WASHC5: variants seen among roughly 807,000 people sequenced by gnomAD.
WASHC5 encodes the protein WASH complex subunit 5, also known as WASH complex subunit strumpellin.
Under a neutral mutation model 150.4 loss-of-function variants are expected in WASHC5, and 101 were observed. The ratio of observed to expected loss-of-function variants is 0.67; its 90% CI spans 0.57 to 0.79. The LOEUF (loss-of-function observed/expected upper bound fraction) is 0.79, where lower values mean the gene tolerates loss of function less well. WASHC5 is among the 30% of genes least tolerant of loss of function. The pLI is 0.00. For missense variants in WASHC5, 1,195 were observed against 1,396.3 expected, an observed-to-expected ratio of 0.86 and a Z score of 2.30; for synonymous variants, 467 against 491.2, an observed-to-expected ratio of 0.95 and a Z score of 0.65.
At chr8:125,045,871 C>A (rs140159292) in intron 20 of WASHC5, among the ~76,000 whole-genome samples, 1 of 152,170 alleles carries the variant, frequency 6.6e-6, no homozygotes, top group East Asian at 1.9e-4. Context: ...TCTGCCTGCA[C>A]TAATAGGGCA....
rs1158848415 is a variant in WASHC5 at position 125,083,257 on chromosome 8, C to A, written c.188G>T (p.Gly63Val). The A allele has an allele frequency of 1.2e-6, 2 of 1,611,920 alleles. No individual in the cohort carries two copies. Among genetic ancestry groups the A allele is most frequent in the African/African-American group, 1.3e-5 (1 of 74,692 alleles). Residue 63 changes from glycine (G) to valine (V), a missense_variant and splice_region_variant, in exon 3 of 29, where the codon GGT (glycine) becomes GTT (valine). Transcript: ENST00000318410. Reference sequence around the variant, plus strand: ...CAGTTTGCTTTCCCATAATTCTGGACCCTGAGAAAAAAAAACACATGTGAA... The same window carrying A: ...CAGTTTGCTTTCCCATAATTCTGGAACCTGAGAAAAAAAAACACATGTGAA... ...DIIFDFSYFK[G>V]PELWESKLDA...
chr8:125,058,420 T>A (rs1026218634), intron 14 of WASHC5, among the ~76,000 whole-genome samples: 1 of 151,716 alleles, frequency 6.6e-6, no homozygotes, highest in African/African-American at 2.4e-5. Flanking sequence ...CATCTCAGAA[T>A]TGATGTACAT....
chr8:125,049,218 C>T (rs765504926), intron 18 of WASHC5, 33 bp from the exon 19 acceptor site: 1 of 1,608,268 alleles, frequency 6.2e-7, no homozygotes, highest in Non-Finnish European at 8.5e-7. Flanking sequence ...AGCTCTTACA[C>T]TGGAGTAGAT....
intron 23 of WASHC5, 82 bp from the exon 24 acceptor site, chr8:125,039,980 A>G (rs1020905069): frequency 1.3e-5 from 11 of 855,528 alleles, no homozygotes; most frequent in Non-Finnish European, 1.9e-5. Context: ...AAAGATGACA[A>G]TTCTTCACTG....
At chr8:125,090,529 AC>A (rs1817574229) in intron 1 of WASHC5, among the ~76,000 whole-genome samples, 1 of 152,208 alleles carries the variant, frequency 6.6e-6, no homozygotes, top group African/African-American at 2.4e-5. Context: ...CAGAGATCCC[AC>A]TATATTTTCT....
At chr8:125,076,273 G>T in intron 7 of WASHC5, 75 bp downstream of exon 7, 4 of 1,385,638 alleles carry the variant, frequency 2.9e-6, no homozygotes, top group South Asian at 2.3e-5. Context: ...ACAACCTGTG[G>T]GTTAAAGGCC....
Position 125,050,577 on chromosome 8 carries a change from T to A in WASHC5, c.2186A>T (p.Asn729Ile), listed in dbSNP as rs573316770. 4 of 1,613,772 alleles carry A rather than the reference T, an allele frequency of 2.5e-6. No homozygotes were observed. Among genetic ancestry groups the A allele is most frequent in the South Asian group, 2.2e-5 (2 of 91,072 alleles). Residue 729 changes from asparagine (N) to isoleucine (I), a missense_variant, in exon 18 of 29, where the codon AAC becomes ATC. Around this residue, in one of 3 missense-constraint regions of WASHC5, gnomAD observed 997 missense variants for 1,168.1 expected, o/e 0.85. Transcript: ENST00000318410. ...GTCACTGGGTACCTTGGCTCGAGGGTTGAATATCAGTCCCCTATGCAGGGC... is the reference window on the plus strand; with the variant it reads ...GTCACTGGGTACCTTGGCTCGAGGGATGAATATCAGTCCCCTATGCAGGGC... Reference protein sequence around the residue: ...AFALHRGLIFNPRAKPSELMP... With the variant: ...AFALHRGLIFIPRAKPSELMP...
intron 10 of WASHC5, among the ~76,000 whole-genome samples, chr8:125,065,799 T>C (rs1816730373): frequency 6.6e-6 from 1 of 152,108 alleles, no homozygotes; most frequent in Non-Finnish European, 1.5e-5. Context: ...GTATTTTTAG[T>C]ACAGATGGGG....
At chr8:125,033,378 T>C (rs1238772623) in intron 26 of WASHC5, among the ~76,000 whole-genome samples, 1 of 152,142 alleles carries the variant, frequency 6.6e-6, no homozygotes, top group Non-Finnish European at 1.5e-5. Flanking sequence ...TTTTAACAAA[T>C]GGTACTGAAA....
chr8:125,087,773 G>A (rs1817464379), intron 1 of WASHC5, among the ~76,000 whole-genome samples: 1 of 151,576 alleles, frequency 6.6e-6, no homozygotes, highest in Non-Finnish European at 1.5e-5. Flanking sequence ...GTCAAGTATA[G>A]GAGATTCTTG....
At chr8:125,035,667 ATTGT>A (rs1167272473) in intron 26 of WASHC5, among the ~76,000 whole-genome samples, 1 of 152,224 alleles carries the variant, frequency 6.6e-6, no homozygotes, top group African/African-American at 2.4e-5. Flanking sequence ...TACAGCAAGT[ATTGT>A]TTGAGGAGAT....
chr8:125,055,691 G>C lies in WASHC5; in HGVS notation c.2017-20C>G, dbSNP rs759179193. 18 of 1,468,984 alleles carry C rather than the reference G, an allele frequency of 1.2e-5. No homozygotes were observed. The highest frequency in any genetic ancestry group is 3.3e-5 in the Admixed American group (2 of 59,784). The allele number at this position is 1,468,984 out of a possible 1,614,324, so 91.0% of individuals were successfully genotyped here. On this transcript the variant is annotated intron_variant, in intron 16 of 28. Transcript: ENST00000318410. ...GGCAACCTATAACAAAGAAAAAGAG[G>C]TATGAAAAATCACTGTCTAATAGTC...
chr8:125,027,372 T>C (rs957544996), intron 28 of WASHC5, among the ~76,000 whole-genome samples: 1 of 152,214 alleles, frequency 6.6e-6, no homozygotes, highest in African/African-American at 2.4e-5. Flanking sequence ...CCAACCTAAG[T>C]GTCCATCAAT....
At chr8:125,028,953 C>A (rs1057509397) in intron 27 of WASHC5, among the ~76,000 whole-genome samples, 1 of 152,040 alleles carries the variant, frequency 6.6e-6, no homozygotes, top group South Asian at 2.1e-4. Flanking sequence ...ACGATCCCTG[C>A]TATCTATCCA....
intron 26 of WASHC5, chr8:125,032,854 C>T (rs1392160365): frequency 5.7e-6 from 1 of 173,926 alleles, no homozygotes; most frequent in Non-Finnish European, 1.2e-5. Flanking sequence ...AAAGAATCTG[C>T]AGAAATCAAG....
chr8:125,025,022 CAAGG>C (rs780929650), intron 28 of WASHC5, among the ~76,000 whole-genome samples: 2 of 151,958 alleles, frequency 1.3e-5, no homozygotes, highest in African/African-American at 2.4e-5. Flanking sequence ...TGATGACCAA[CAAGG>C]AAGAACAGGA....
Position 125,059,452 on chromosome 8 carries a change from T to G in WASHC5, c.1612A>C (p.Ile538Leu). ...RKFLHQMIRT[I>L]NIKEEVLITM... is the part of the protein sequence containing the mutation. ...ATCAGAACCTCCTCTTTAATGTTAA[T>G]GGTTCTGATCATTTGATGAAGAAAC... Residue 538 changes from isoleucine to leucine, a missense_variant, in exon 13 of 29, where the codon ATT becomes CTT. This residue lies in a region of WASHC5 where 997 missense variants were observed against 1,168.1 expected (regional missense o/e 0.85). Coordinates refer to ENST00000318410, the MANE Select transcript of WASHC5 (RefSeq NM_014846.4). 1 of 1,614,056 alleles carries G rather than the reference T, an allele frequency of 6.2e-7. No individual in the cohort carries two copies. The highest frequency in any genetic ancestry group is 1.6e-4 in the Middle Eastern group (1 of 6,062).
chr8:125,034,569 C>T (rs899164337), intron 26 of WASHC5, among the ~76,000 whole-genome samples: 14 of 152,078 alleles, frequency 9.2e-5, no homozygotes, highest in African/African-American at 3.1e-4. Context: ...AGGATGTGGA[C>T]TACACATATA....
At position 125,024,321 on chromosome 8, in the gene WASHC5, C is replaced by T; in HGVS notation, c.*296G>A. ...GAGTTGCACAAATAGTTCTTTAGAACATAAAACTAAATGGATTTATACATA... is the reference window on the plus strand; with the variant it reads ...GAGTTGCACAAATAGTTCTTTAGAATATAAAACTAAATGGATTTATACATA... On this transcript the variant is annotated 3_prime_UTR_variant, in exon 29 of 29. Transcript: ENST00000318410. The T allele has an allele frequency of 2.3e-6, 1 of 430,656 alleles. No homozygotes were observed. The highest frequency in any genetic ancestry group is 4.3e-6 in the Non-Finnish European group (1 of 235,130). The allele number at this position is 430,656 out of a possible 1,614,324, so 26.7% of individuals were successfully genotyped here.
Sources: gnomAD v4.1 joint callset for allele counts (sites outside exome capture counted in the v4.1 genomes callset) on GRCh38, gnomAD v4.1.1 for gene constraint, gnomAD v4.1.1 regional missense constraint, MANE v1.5 for transcripts, NCBI Gene and HGNC (gene_info 2026-07-23, HGNC 2026-07-21) for gene names.